Variants in DUSP10 observed in about 807,000 individuals in gnomAD.
The protein encoded by DUSP10 is dual specificity phosphatase 10.
Under a neutral mutation model 30.8 loss-of-function variants are expected in DUSP10, and 14 were observed. The ratio of observed to expected loss-of-function variants is 0.46; its 90% CI spans 0.30 to 0.71. The LOEUF (loss-of-function observed/expected upper bound fraction) is 0.71, where lower values mean the gene tolerates loss of function less well. Among genes scored for constraint, DUSP10 ranks in the 30% least tolerant of loss-of-function variants. DUSP10 has a pLI of 0.08. For missense variants in DUSP10, 550 were observed against 619.4 expected, an observed-to-expected ratio of 0.89 and a Z score of 1.19; for synonymous variants, 254 against 250.4, an observed-to-expected ratio of 1.01 and a Z score of -0.14.
In DUSP10 at chr1:221,739,687, G is replaced by A. The variant is rs749378098; in HGVS notation, c.58C>T (p.Pro20Ser). The change falls in exon 2 of 4, where the codon CCT becomes TCT. Residue 20 changes from proline to serine, a missense_variant. Physicochemically the swap from Pro to Ser is moderately conservative, Grantham distance 74 (BLOSUM62 -1). Coordinates refer to ENST00000366899, the MANE Select transcript of DUSP10 (RefSeq NM_007207.6). ...TCTAAACAAAGGTTGAGATCCTGAGGTCGGACGGGCCTAGATAGTGCCACT... is the reference window on the plus strand; with the variant it reads ...TCTAAACAAAGGTTGAGATCCTGAGATCGGACGGGCCTAGATAGTGCCACT... ...VVVALSRPVR[P>S]QDLNLCLDSS... 1 of 1,613,942 alleles carries A rather than the reference G, an allele frequency of 6.2e-7. No individual in the cohort carries two copies. The highest frequency in any genetic ancestry group is 1.1e-5 in the South Asian group (1 of 91,042).
intron 2 of DUSP10, among the ~76,000 whole-genome samples, chr1:221,738,732 C>A (rs909055146): frequency 1.3e-5 from 2 of 152,148 alleles, no homozygotes; most frequent in African/African-American, 4.8e-5. Context: ...AGGGTAGAAC[C>A]CAGATCTTCT....
chr1:221,735,634 C>T (rs565921369), intron 2 of DUSP10, among the ~76,000 whole-genome samples: 52 of 152,184 alleles, frequency 3.4e-4, no homozygotes, highest in Non-Finnish European at 6.2e-4. Context: ...ATGTTCATTA[C>T]ACACTTTTCT....
Position 221,739,306 on chromosome 1 carries a change from T to C in DUSP10, c.439A>G (p.Ile147Val), listed in dbSNP as rs1384830109. 3 of 1,614,182 alleles carry C rather than the reference T, an allele frequency of 1.9e-6. No individual in the cohort carries two copies. The highest frequency in any genetic ancestry group is 1.3e-5 in the African/African-American group (1 of 75,042). ...AAGTCATTGGGGTAGATTATTTTGA[T>C]GCTGGCTAGCTGCTTGGGGGTCCCT... ...VSGTPKQLASIKIIYPNDLAK... is the reference protein window; with the variant it reads ...VSGTPKQLASVKIIYPNDLAK... Residue 147 changes from isoleucine (I) to valine (V), a missense_variant, in exon 2 of 4, where the codon ATC (isoleucine) becomes GTC (valine). Physicochemically the swap from Ile to Val is conservative, Grantham distance 29 (BLOSUM62 3). Transcript: ENST00000366899.
At chr1:221,729,182 A>G (rs145425080) in intron 2 of DUSP10, among the ~76,000 whole-genome samples, 69 of 152,340 alleles carry the variant, frequency 4.5e-4, no homozygotes, top group Middle Eastern at 6.8e-3. Flanking sequence ...TTTATTCCTT[A>G]AAAAACTGTC....
intron 1 of DUSP10, 118 bp downstream of exon 1, chr1:221,741,861 TCA>T (rs746981075): frequency 3.9e-5 from 6 of 152,182 alleles, no homozygotes; most frequent in East Asian, 3.9e-4. Context: ...TGTCTCTCTC[TCA>T]CACACACACA....
Position 221,702,627 on chromosome 1 carries a change from C to A in DUSP10, c.1234G>T (p.Val412Leu). The A allele has an allele frequency of 6.2e-7, 1 of 1,614,120 alleles. No individual in the cohort carries two copies. The highest frequency in any genetic ancestry group is 8.5e-7 in the Non-Finnish European group (1 of 1,180,006). ...KGLLIHCQAG[V>L]SRSATIVIAY... The stretch of plus-strand genomic sequence containing the variant: ...ATGACGATGGTGGCGGAGCGGGACA[C>A]CCCAGCCTGGCAGTGGATGAGAAGC... The change falls in exon 4 of 4, where the codon GTG becomes TTG. Residue 412 changes from valine (V) to leucine (L), a missense_variant. Val to Leu is a conservative substitution (Grantham distance 32). Coordinates refer to ENST00000366899, the MANE Select transcript of DUSP10 (RefSeq NM_007207.6). This position sits in a 1 kb window ranked among gnomAD's most constrained non-coding sequence, Gnocchi z 4.5.
Position 221,702,463 on chromosome 1 carries a change from CACA to C in DUSP10, c.1395_1397del (p.Val466del). 1 of 1,614,108 alleles carries C rather than the reference CACA, an allele frequency of 6.2e-7. No individual in the cohort carries two copies. On this transcript the variant is annotated inframe_deletion, in exon 4 of 4. Transcript: ENST00000366899. This position sits in a 1 kb window ranked among gnomAD's most constrained non-coding sequence, Gnocchi z 4.5. ...GCTTTGGTGTAAGGATTCTCGGTGT[CACA>C]CCGTTGTTTAGGTCTTCCTCGAACT...
At chr1:221,716,895 A>T (rs1179415814) in intron 2 of DUSP10, among the ~76,000 whole-genome samples, 1 of 152,220 alleles carries the variant, frequency 6.6e-6, no homozygotes, top group Non-Finnish European at 1.5e-5. Flanking sequence ...TTACATTAAC[A>T]CATTTTTCAC....
At chr1:221,713,085 G>A (rs139504652) in intron 2 of DUSP10, among the ~76,000 whole-genome samples, 308 of 152,324 alleles carry the variant, frequency 2.0e-3, no homozygotes, top group African/African-American at 6.3e-3. Context: ...GACTACAGGG[G>A]TCAATGTCAG....
chr1:221,725,024 G>T (rs1661386284), intron 2 of DUSP10, among the ~76,000 whole-genome samples: 1 of 152,200 alleles, frequency 6.6e-6, no homozygotes, highest in African/African-American at 2.4e-5. Flanking sequence ...ACATGGGGAT[G>T]CCTGAAGGAG....
At chr1:221,737,633 G>T (rs1661816642) in intron 2 of DUSP10, among the ~76,000 whole-genome samples, 1 of 152,198 alleles carries the variant, frequency 6.6e-6, no homozygotes, top group Admixed American at 6.5e-5. Flanking sequence ...GCCCTAAGGA[G>T]AGATGTGCCT....
chr1:221,731,600 CTT>C (rs917122714), intron 2 of DUSP10, among the ~76,000 whole-genome samples: 121 of 119,218 alleles, frequency 1.0e-3, no homozygotes, highest in African/African-American at 3.5e-3. Context: ...TAGGCTATTT[CTT>C]TTTTTTTTTT....
chr1:221,707,489 C>A (rs958502915), intron 2 of DUSP10, among the ~76,000 whole-genome samples: 2 of 152,154 alleles, frequency 1.3e-5, no homozygotes, highest in African/African-American at 4.8e-5. Context: ...CTGCCTCCCA[C>A]GAGTTATGGG....
intron 2 of DUSP10, among the ~76,000 whole-genome samples, chr1:221,709,192 T>C (rs1660861735): frequency 6.6e-6 from 1 of 152,166 alleles, no homozygotes; most frequent in Non-Finnish European, 1.5e-5. Flanking sequence ...ATATCAGCTC[T>C]TTGAGTGCAA....
chr1:221,732,610 C>A (rs1292734006), intron 2 of DUSP10, among the ~76,000 whole-genome samples: 2 of 152,148 alleles, frequency 1.3e-5, no homozygotes, highest in Non-Finnish European at 1.5e-5. Flanking sequence ...ATCTGTTGAA[C>A]CTGGCAAGAC....
rs185238601 is a variant in DUSP10 at position 221,735,778 on chromosome 1, G to A, written c.811+3156C>T. Among the ~76,000 whole-genome samples the A allele has an allele frequency of 1.3e-3, 199 of 152,310 alleles. 1 individual carries two copies. Among genetic ancestry groups the A allele is most frequent in the African/African-American group, 4.4e-3 (184 of 41,562 alleles). On this transcript the variant is annotated intron_variant, in intron 2 of 3. Transcript: ENST00000366899. ...TTATTTCCCTGGACCCAGCTTTACTGAAAAGAAAGGGAGCCTGAAAAACTT... is the reference window on the plus strand; with the variant it reads ...TTATTTCCCTGGACCCAGCTTTACTAAAAAGAAAGGGAGCCTGAAAAACTT...
At chr1:221,737,500 T>A (rs879495763) in intron 2 of DUSP10, 109 of 983,128 alleles carry the variant, frequency 1.1e-4, no homozygotes, top group Non-Finnish European at 1.3e-4. Flanking sequence ...ATGGAGGAAA[T>A]CTGAACATAT....
chr1:221,704,434 A>G (rs1159815724), intron 3 of DUSP10, among the ~76,000 whole-genome samples: 1 of 151,708 alleles, frequency 6.6e-6, no homozygotes, highest in Admixed American at 6.5e-5. Context: ...AATAGAAAAC[A>G]ATTTCCTAAC....
At position 221,719,547 on chromosome 1, in the gene DUSP10, A is replaced by C. The variant is rs371625059; in HGVS notation, c.812-13081T>G. On this transcript the variant is annotated intron_variant, in intron 2 of 3. Transcript: ENST00000366899. ...GGGGGAAAACAAAACAATTAAAAACACTGCTTGTCTCTGAGGAGGTGGGCT... is the reference window on the plus strand; with the variant it reads ...GGGGGAAAACAAAACAATTAAAAACCCTGCTTGTCTCTGAGGAGGTGGGCT... Among the ~76,000 whole-genome samples the C allele has an allele frequency of 8.9e-4, 136 of 152,302 alleles. 1 individual carries two copies. Among genetic ancestry groups the C allele is most frequent in the African/African-American group, 3.1e-3 (130 of 41,552 alleles).
Sources: allele counts gnomAD v4.1 joint callset (sites outside exome capture counted in the v4.1 genomes callset), GRCh38; gene constraint gnomAD v4.1.1; non-coding constraint Gnocchi (gnomAD v3.1); transcripts MANE v1.5; gene names NCBI Gene and HGNC (gene_info 2026-07-23, HGNC 2026-07-21).